KCNQ1: variants seen among roughly 807,000 people sequenced by gnomAD.
KCNQ1 encodes potassium voltage-gated channel subfamily Q member 1.
A neutral mutation model predicts 72.4 loss-of-function variants in KCNQ1; 49 were observed. That is an observed-to-expected ratio of 0.68 (90% CI 0.54 to 0.86). The LOEUF (loss-of-function observed/expected upper bound fraction) is 0.86, where lower values mean the gene tolerates loss of function less well. Ranked by LOEUF, KCNQ1 falls within the 40% of genes least tolerant of loss-of-function variation. The pLI, the probability that KCNQ1 is intolerant of heterozygous loss-of-function variation, is 0.00. For synonymous variants in KCNQ1, 450 were observed against 412.6 expected, an observed-to-expected ratio of 1.09 and a Z score of -1.10; for missense variants, 790 against 945.1, an observed-to-expected ratio of 0.84 and a Z score of 2.15.
In KCNQ1 at chr11:2,830,708, C is replaced by T. The variant is rs982725924; in HGVS notation, c.1795-17059C>T. Reference sequence around the variant, plus strand: ...GAGCATTGTGGGCCTTCCCAGGAACCCCCACATCTCCGTGGCCCTCAGACC... The same window carrying T: ...GAGCATTGTGGGCCTTCCCAGGAACTCCCACATCTCCGTGGCCCTCAGACC... On this transcript the variant is annotated intron_variant, in intron 15 of 15. Transcript: ENST00000155840. This position sits in a 1 kb window ranked among gnomAD's most constrained non-coding sequence, Gnocchi z 7.7. Among the ~76,000 whole-genome samples, 11 of 152,132 alleles carry T rather than the reference C, an allele frequency of 7.2e-5. No homozygotes were observed. The highest frequency in any genetic ancestry group is 2.7e-4 in the African/African-American group (11 of 41,432).
Position 2,687,076 on chromosome 11 carries a change from G to A in KCNQ1, c.1514+24995G>A. On this transcript the variant is annotated intron_variant, in intron 11 of 15. Coordinates refer to ENST00000155840, the MANE Select transcript of KCNQ1 (RefSeq NM_000218.3). This position sits in a 1 kb window ranked among gnomAD's most constrained non-coding sequence, Gnocchi z 5.0. ...GACAAGGACCCACAAAGTGATGCAA[G>A]ATATCCTGAGTTGGGTGTGACAAGT... is the stretch of plus-strand genomic sequence containing the variant. The A allele has an allele frequency of 2.5e-6, 1 of 398,646 alleles. No homozygotes were observed. The highest frequency in any genetic ancestry group is 4.4e-6 in the Non-Finnish European group (1 of 226,078). 24.7% of individuals were successfully genotyped at this position (398,646 alleles called of 1,614,324 possible). A position where few individuals can be genotyped will look rare whatever the true frequency, so the allele number is the denominator to read the frequency against.
chr11:2,540,894 A>G (rs2133677050), intron 2 of KCNQ1, among the ~76,000 whole-genome samples: 1 of 152,274 alleles, frequency 6.6e-6, no homozygotes, highest in South Asian at 2.1e-4. Flanking sequence ...AGACTTGGTC[A>G]TGGTCAAGGT....
chr11:2,620,549 C>T lies in KCNQ1; in HGVS notation c.1393+31695C>T, dbSNP rs963370576. On this transcript the variant is annotated intron_variant, in intron 10 of 15. Coordinates refer to ENST00000155840, the MANE Select transcript of KCNQ1 (RefSeq NM_000218.3). This position sits in a 1 kb window ranked among gnomAD's most constrained non-coding sequence, Gnocchi z 4.5. ...TCATTTTTATGGCTGCATAGTATTC[C>T]ATGGTGTACATGTACCACATTTTCT... The T allele has an allele frequency of 1.0e-5, 4 of 395,896 alleles. No homozygotes were observed. The highest frequency in any genetic ancestry group is 1.3e-5 in the Non-Finnish European group (3 of 224,994). 24.5% of individuals were successfully genotyped at this position (395,896 alleles called of 1,614,324 possible).
In KCNQ1 at chr11:2,679,886, A is replaced by AT. The variant is rs144309171; in HGVS notation, c.1514+17815dup. On this transcript the variant is annotated intron_variant, in intron 11 of 15. Coordinates refer to ENST00000155840, the MANE Select transcript of KCNQ1 (RefSeq NM_000218.3). The surrounding 1 kb of genome is among the most constrained non-coding windows in gnomAD (Gnocchi z 4.8). ...TATAAACTTAGAACTAGCACGCCTA[A>AT]TTTTTTTTTTATTTTTATTTTTTTT... 2.4e-4 allele frequency: 92 copies of AT among 378,808 alleles called. No homozygotes were observed. Among genetic ancestry groups the AT allele is most frequent in the Middle Eastern group, 1.3e-3 (2 of 1,496 alleles). The allele number at this position is 378,808 out of a possible 1,614,324, so 23.5% of individuals were successfully genotyped here.
In KCNQ1 at chr11:2,663,939, C is replaced by T; in HGVS notation, c.1514+1858C>T. 2.5e-6 allele frequency: 1 copy of T among 398,732 alleles called. No individual in the cohort carries two copies. The highest frequency in any genetic ancestry group is 4.4e-6 in the Non-Finnish European group (1 of 226,118). The allele number at this position is 398,732 out of a possible 1,614,324, so 24.7% of individuals were successfully genotyped here. ...CACTGGGCTGTTTCTTGTTCCACTC[C>T]AGGATGACAGGGCCTGAGAGACCTG... On this transcript the variant is annotated intron_variant, in intron 11 of 15. Coordinates refer to ENST00000155840, the MANE Select transcript of KCNQ1 (RefSeq NM_000218.3). This position sits in a 1 kb window ranked among gnomAD's most constrained non-coding sequence, Gnocchi z 5.2.
chr11:2,655,934 C>T (rs545164415), intron 10 of KCNQ1: 14 of 398,714 alleles, frequency 3.5e-5, no homozygotes, highest in African/African-American at 2.5e-4. Context: ...CCAAAAAGCA[C>T]ACATTCCTCT....
intron 15 of KCNQ1, among the ~76,000 whole-genome samples, chr11:2,806,713 G>A (rs968180505): frequency 1.1e-4 from 16 of 152,232 alleles, no homozygotes; most frequent in Admixed American, 6.5e-5. Flanking sequence ...AGGCTCAGCT[G>A]TACCAGACCA....
At chr11:2,505,496 T>C (rs1157034321) in intron 1 of KCNQ1, among the ~76,000 whole-genome samples, 1 of 152,072 alleles carries the variant, frequency 6.6e-6, no homozygotes, top group African/African-American at 2.4e-5. Flanking sequence ...AGGTGGCTTA[T>C]TGTGTTAAGT....
Position 2,679,615 on chromosome 11 carries a change from A to G in KCNQ1, c.1514+17534A>G. 7.5e-6 allele frequency: 3 copies of G among 398,648 alleles called. No individual in the cohort carries two copies. The highest frequency in any genetic ancestry group is 1.3e-5 in the Non-Finnish European group (3 of 226,078). 24.7% of individuals were successfully genotyped at this position (398,648 alleles called of 1,614,324 possible). ...CTGATGGGGAGGCGAGTTGGAATGA[A>G]TAGTATCAGCATCAGAAAAAATACA... is the stretch of plus-strand genomic sequence containing the variant. On this transcript the variant is annotated intron_variant, in intron 11 of 15. Transcript: ENST00000155840. This position sits in a 1 kb window ranked among gnomAD's most constrained non-coding sequence, Gnocchi z 4.8.
rs559329625 is a variant in KCNQ1, at chr11:2,675,824, A to C, written c.1514+13743A>C. On this transcript the variant is annotated intron_variant, in intron 11 of 15. Transcript: ENST00000155840. The stretch of plus-strand genomic sequence containing the variant: ...CAGCCACGTGCATGCAGGGCTGCAC[A>C]CTGCCCTACCGTGCATCCACTGCCT... The C allele has an allele frequency of 1.8e-5, 7 of 398,674 alleles. No homozygotes were observed. The Admixed American group carries it at 3.1e-4, about 18-fold the overall frequency. 24.7% of individuals were successfully genotyped at this position (398,674 alleles called of 1,614,324 possible).
In KCNQ1 at chr11:2,817,293, G is replaced by A. The variant is rs1183861210; in HGVS notation, c.1795-30474G>A. ...GCAGTCAGATGTTTTTAACTACGTT[G>A]GACAGAACCCACGGCGGCCCTTTCC... On this transcript the variant is annotated intron_variant, in intron 15 of 15. Coordinates refer to ENST00000155840, the MANE Select transcript of KCNQ1 (RefSeq NM_000218.3). The surrounding 1 kb of genome is among the most constrained non-coding windows in gnomAD (Gnocchi z 6.1). 6.6e-6 allele frequency among the ~76,000 whole-genome samples: 1 copy of A among 152,176 alleles called. No individual in the cohort carries two copies. Among genetic ancestry groups the A allele is most frequent in the Non-Finnish European group, 1.5e-5 (1 of 68,036 alleles).
At chr11:2,798,436 G>A (rs1406005099) in intron 15 of KCNQ1, among the ~76,000 whole-genome samples, 4 of 152,082 alleles carry the variant, frequency 2.6e-5, no homozygotes, top group Non-Finnish European at 5.9e-5. Context: ...AGCCGTCTGG[G>A]GGGCCTCCTT....
rs1237334105 is a variant in KCNQ1, at chr11:2,623,719, C to T, written c.1393+34865C>T. ...CCAATTTCAACAATCACAAATAAAG[C>T]TTCTGTAAACATCTCTGTGCAGATT... is the stretch of plus-strand genomic sequence containing the variant. On this transcript the variant is annotated intron_variant, in intron 10 of 15. Transcript: ENST00000155840. The surrounding 1 kb of genome is among the most constrained non-coding windows in gnomAD (Gnocchi z 5.2). 1 of 398,384 alleles carries T rather than the reference C, an allele frequency of 2.5e-6. No individual in the cohort carries two copies. The highest frequency in any genetic ancestry group is 4.4e-6 in the Non-Finnish European group (1 of 226,026). 24.7% of individuals were successfully genotyped at this position (398,384 alleles called of 1,614,324 possible).
intron 15 of KCNQ1, among the ~76,000 whole-genome samples, chr11:2,829,541 T>C (rs1847901286): frequency 6.6e-6 from 1 of 152,176 alleles, no homozygotes; most frequent in Admixed American, 6.5e-5. Flanking sequence ...TTATATACTG[T>C]TTGTGTAAAA....
In KCNQ1 at chr11:2,491,950, A is replaced by C. The variant is rs903308302; in HGVS notation, c.387-35978A>C. On this transcript the variant is annotated intron_variant, in intron 1 of 15. Transcript: ENST00000155840. This position sits in a 1 kb window ranked among gnomAD's most constrained non-coding sequence, Gnocchi z 4.1. ...GTGCTGAAGGAAAAAAAAGAAAAAAACTTTTGCTCTAGAATAGTATATCTG... is the reference window on the plus strand; with the variant it reads ...GTGCTGAAGGAAAAAAAAGAAAAAACCTTTTGCTCTAGAATAGTATATCTG... Among the ~76,000 whole-genome samples, 8 of 152,310 alleles carry C rather than the reference A, an allele frequency of 5.3e-5. No homozygotes were observed. The highest frequency in any genetic ancestry group is 1.9e-4 in the African/African-American group (8 of 41,566).
Position 2,848,356 on chromosome 11 carries a change from G to T in KCNQ1, c.*353G>T. ...CAGGAAGTAGCACAGGCTGAGTGCA[G>T]GCCCACCCTGCTTGGCCCAGGGGGC... On this transcript the variant is annotated 3_prime_UTR_variant, in exon 16 of 16. Coordinates refer to ENST00000155840, the MANE Select transcript of KCNQ1 (RefSeq NM_000218.3). 1.8e-6 allele frequency: 1 copy of T among 541,558 alleles called. No individual in the cohort carries two copies. The allele number at this position is 541,558 out of a possible 1,614,324, so 33.5% of individuals were successfully genotyped here.
rs749794052 is a variant in KCNQ1, at chr11:2,620,212, T to TATATATATATA, written c.1393+31358_1393+31359insATATATATATA. 2 of 202,278 alleles carry TATATATATATA rather than the reference T, an allele frequency of 9.9e-6. No individual in the cohort carries two copies. The highest frequency in any genetic ancestry group is 1.8e-5 in the Non-Finnish European group (2 of 112,238). The allele number at this position is 202,278 out of a possible 1,614,324, so 12.5% of individuals were successfully genotyped here. The stretch of plus-strand genomic sequence containing the variant: ...AAGTTCATTCATGTATATATATATA[T>TATATATATATA]TTTTTTTTTTTATTTTTTTTTTAGA... On this transcript the variant is annotated intron_variant, in intron 10 of 15. Coordinates refer to ENST00000155840, the MANE Select transcript of KCNQ1 (RefSeq NM_000218.3). This position sits in a 1 kb window ranked among gnomAD's most constrained non-coding sequence, Gnocchi z 4.5.
At position 2,599,547 on chromosome 11, in the gene KCNQ1, A is replaced by G. The variant is rs1848772765; in HGVS notation, c.1393+10693A>G. On this transcript the variant is annotated intron_variant, in intron 10 of 15. Transcript: ENST00000155840. The surrounding 1 kb of genome is among the most constrained non-coding windows in gnomAD (Gnocchi z 4.7). ...ATGTGTTAACTTTCCAGGATGTATT[A>G]GTTTGCTAGGACTGCCATAACAAAA... 6.6e-6 allele frequency among the ~76,000 whole-genome samples: 1 copy of G among 152,194 alleles called. No individual in the cohort carries two copies. Among genetic ancestry groups the G allele is most frequent in the South Asian group, 2.1e-4 (1 of 4,830 alleles).
chr11:2,550,135 C>A lies in KCNQ1; in HGVS notation c.478-20493C>A, dbSNP rs913716097. ...ATGCTCAGAGTTGTCTGTAGAGAAC[C>A]AGAGCTGCCGAGCCCCGGCCTGGAT... On this transcript the variant is annotated intron_variant, in intron 2 of 15. Coordinates refer to ENST00000155840, the MANE Select transcript of KCNQ1 (RefSeq NM_000218.3). This position sits in a 1 kb window ranked among gnomAD's most constrained non-coding sequence, Gnocchi z 6.0. 6.6e-6 allele frequency among the ~76,000 whole-genome samples: 1 copy of A among 152,198 alleles called. No individual in the cohort carries two copies. The highest frequency in any genetic ancestry group is 1.5e-5 in the Non-Finnish European group (1 of 68,026).
Sources: gnomAD v4.1 joint callset for allele counts (sites outside exome capture counted in the v4.1 genomes callset) on GRCh38, gnomAD v4.1.1 for gene constraint, Gnocchi (gnomAD v3.1) non-coding constraint, MANE v1.5 for transcripts, NCBI Gene and HGNC (gene_info 2026-07-23, HGNC 2026-07-21) for gene names.